PDE11A: variants seen among roughly 807,000 people sequenced by gnomAD.
PDE11A encodes the protein phosphodiesterase 11A.
In PDE11A, 100 loss-of-function variants were observed where a neutral mutation model predicts 100.5. That is an observed-to-expected ratio of 1.00 (90% CI 0.85 to 1.18). The LOEUF is 1.18. Among genes scored for constraint, PDE11A ranks in the 50% most tolerant of loss-of-function variants. The pLI is 0.00. For synonymous variants in PDE11A, 381 were observed against 420.8 expected (o/e 0.91, Z 1.16); for missense variants, 1,141 against 1,152.6 (o/e 0.99, Z 0.15).
intron 2 of PDE11A, among the ~76,000 whole-genome samples, chr2:177,947,635 G>A (rs902464873): frequency 2.0e-5 from 3 of 151,620 alleles, no homozygotes; most frequent in Non-Finnish European, 4.4e-5. Context: ...ACTGCGGAAG[G>A]CCGCAGGGTC....
intron 2 of PDE11A, among the ~76,000 whole-genome samples, chr2:177,930,421 A>C (rs1008623421): frequency 2.0e-5 from 3 of 152,174 alleles, no homozygotes; most frequent in Admixed American, 6.5e-5. Context: ...AATACAGATT[A>C]GAATAGACCA....
intron 10 of PDE11A, among the ~76,000 whole-genome samples, chr2:177,750,228 T>A (rs1386707384): frequency 6.6e-6 from 1 of 152,120 alleles, no homozygotes; most frequent in Admixed American, 6.5e-5. Context: ...GCAATATGAA[T>A]CTTTAGGAGC....
chr2:177,745,022 T>C (rs534808473), intron 10 of PDE11A, among the ~76,000 whole-genome samples: 2 of 152,226 alleles, frequency 1.3e-5, no homozygotes, highest in Non-Finnish European at 2.9e-5. Context: ...TTCCGCAACA[T>C]AACCTAGTGA....
intron 4 of PDE11A, among the ~76,000 whole-genome samples, chr2:177,878,315 G>A (rs1268038057): frequency 6.6e-6 from 1 of 152,078 alleles, no homozygotes; most frequent in African/African-American, 2.4e-5. Context: ...CTACCAAGTG[G>A]TAGGATCTAC....
At chr2:178,085,312 G>A (rs1014858303) in intron 2 of PDE11A, among the ~76,000 whole-genome samples, 25 of 152,066 alleles carry the variant, frequency 1.6e-4, no homozygotes, top group African/African-American at 5.6e-4. Context: ...AAAATATTTG[G>A]TGAAACTGTC....
chr2:177,794,816 C>T (rs62184508), intron 9 of PDE11A, among the ~76,000 whole-genome samples: 6 of 151,840 alleles, frequency 4.0e-5, no homozygotes, highest in African/African-American at 9.7e-5. Flanking sequence ...GACAGAGTCT[C>T]GCACTGTTGC....
chr2:177,842,177 C>T (rs376078003), intron 5 of PDE11A, among the ~76,000 whole-genome samples: 3 of 152,200 alleles, frequency 2.0e-5, no homozygotes, highest in African/African-American at 7.2e-5. Context: ...CACACCGTTT[C>T]GAAGCTGCTG....
intron 10 of PDE11A, among the ~76,000 whole-genome samples, chr2:177,761,421 G>A (rs1175610032): frequency 6.6e-6 from 1 of 152,164 alleles, no homozygotes; most frequent in Non-Finnish European, 1.5e-5. Flanking sequence ...ACATTTCAAG[G>A]AATTTGGTCA....
intron 1 of PDE11A, among the ~76,000 whole-genome samples, chr2:178,050,393 C>T (rs1044567320): frequency 9.2e-5 from 14 of 152,092 alleles, no homozygotes; most frequent in East Asian, 1.9e-4. Context: ...ACCACAAAGA[C>T]GGGGAGAAAC....
chr2:177,980,789 A>G (rs962144394), intron 2 of PDE11A, among the ~76,000 whole-genome samples: 2 of 150,720 alleles, frequency 1.3e-5, no homozygotes, highest in African/African-American at 2.4e-5. Context: ...AATTACAAAG[A>G]GTCAAGAGAA....
chr2:177,857,556 A>C (rs1185493998), intron 5 of PDE11A, among the ~76,000 whole-genome samples: 1 of 152,062 alleles, frequency 6.6e-6, no homozygotes, highest in African/African-American at 2.4e-5. Flanking sequence ...TAGGGAACAA[A>C]GCTATATGGA....
chr2:177,645,471 C>T (rs1168720826), intron 19 of PDE11A, among the ~76,000 whole-genome samples: 1 of 152,214 alleles, frequency 6.6e-6, no homozygotes, highest in African/African-American at 2.4e-5. Context: ...GCTGGGATTA[C>T]AGGCATGAGC....
intron 16 of PDE11A, chr2:177,676,037 G>A: frequency 4.6e-6 from 1 of 216,868 alleles, no homozygotes; most frequent in Non-Finnish European, 9.4e-6. Context: ...ATGGGCAAGA[G>A]CTGTATCATT....
chr2:177,927,331 A>T (rs1053069205), intron 2 of PDE11A, among the ~76,000 whole-genome samples: 3 of 152,248 alleles, frequency 2.0e-5, no homozygotes, highest in African/African-American at 7.2e-5. Flanking sequence ...CACTTGTCGT[A>T]CTTATGTCAA....
At chr2:177,829,840 T>C (rs186499474) in intron 6 of PDE11A, among the ~76,000 whole-genome samples, 6 of 152,228 alleles carry the variant, frequency 3.9e-5, no homozygotes, top group African/African-American at 1.4e-4. Context: ...GAATAATCCT[T>C]TCCCTTGAGT....
At chr2:178,049,316 G>A (rs78396334) in intron 1 of PDE11A, among the ~76,000 whole-genome samples, 2,243 of 152,278 alleles carry the variant, frequency 0.015, 42 homozygotes, top group East Asian at 0.09. Context: ...ATAAAAGAAA[G>A]TAATCAAAGA....
chr2:178,043,225 A>G (rs973481069), intron 1 of PDE11A, among the ~76,000 whole-genome samples: 9 of 152,304 alleles, frequency 5.9e-5, no homozygotes, highest in African/African-American at 2.2e-4. Flanking sequence ...AACAGACAGT[A>G]TCTGTCATGG....
intron 12 of PDE11A, among the ~76,000 whole-genome samples, chr2:177,720,452 G>A (rs2081510046): frequency 6.6e-6 from 1 of 152,124 alleles, no homozygotes; most frequent in African/African-American, 2.4e-5. Context: ...AATCCCTACT[G>A]AGCAAACTAT....
rs147495512 is a variant in PDE11A at position 178,105,328 on chromosome 2, C to G, written c.-13-852G>C. On this transcript the variant is annotated intron_variant, in intron 1 of 20. Coordinates refer to the PDE11A transcript ENST00000358450. ...TACAAAAATTAGCCGGGTGTGGTGG[C>G]GGACGCCTGTAATCCCAGCTACTCG... Among the ~76,000 whole-genome samples, 55 of 152,154 alleles carry G rather than the reference C, an allele frequency of 3.6e-4. 1 individual carries two copies. In the East Asian group the frequency reaches 0.01, roughly 28 times the overall value.
Sources: gnomAD v4.1 joint callset for allele counts (sites outside exome capture counted in the v4.1 genomes callset) on GRCh38, gnomAD v4.1.1 for gene constraint, MANE v1.5 for transcripts, NCBI Gene and HGNC (gene_info 2026-07-23, HGNC 2026-07-21) for gene names.